CNTN5: variants seen among roughly 807,000 people sequenced by gnomAD.
The protein encoded by CNTN5 is contactin-5.
Under a neutral mutation model 129.1 loss-of-function variants are expected in CNTN5, and 77 were observed. The ratio of observed to expected loss-of-function variants is 0.60; its 90% CI spans 0.50 to 0.72. The LOEUF (loss-of-function observed/expected upper bound fraction) is 0.72, where lower values mean the gene tolerates loss of function less well. Among genes scored for constraint, CNTN5 ranks in the 30% least tolerant of loss-of-function variants. The probability of loss-of-function intolerance (pLI) is 0.00; values close to 1 mark genes in which losing one functional copy is unlikely to be tolerated. For missense variants in CNTN5, 1,478 were observed against 1,328.8 expected (o/e 1.11, Z -1.75); for synonymous variants, 509 against 465.6 (o/e 1.09, Z -1.20).
At chr11:100,185,426 A>T (rs866439035) in intron 13 of CNTN5, among the ~76,000 whole-genome samples, 3 of 152,182 alleles carry the variant, frequency 2.0e-5, no homozygotes, top group Middle Eastern at 3.4e-3. Context: ...TAAGAACTAC[A>T]TCAGTGGGCT....
At chr11:99,135,044 A>G (rs1859148366) in intron 1 of CNTN5, among the ~76,000 whole-genome samples, 1 of 152,184 alleles carries the variant, frequency 6.6e-6, no homozygotes, top group Admixed American at 6.6e-5. Context: ...GTAGAACACT[A>G]TAATATAAGC....
intron 3 of CNTN5, among the ~76,000 whole-genome samples, chr11:99,607,758 A>T (rs11220622): frequency 0.19 from 23,069 of 123,494 alleles, 3,340 homozygotes; most frequent in Non-Finnish European, 0.23. Flanking sequence ...ACCATGGAAT[A>T]CTATGCAGCC....
chr11:100,345,645 TGAAA>T (rs1446561106), intron 23 of CNTN5, among the ~76,000 whole-genome samples: 2 of 151,334 alleles, frequency 1.3e-5, no homozygotes, highest in East Asian at 3.9e-4. Context: ...AAGAATATCA[TGAAA>T]GATAGATGGA....
chr11:99,758,592 AT>A (rs1350808794), intron 3 of CNTN5, among the ~76,000 whole-genome samples: 1 of 152,042 alleles, frequency 6.6e-6, no homozygotes, highest in East Asian at 1.9e-4. Flanking sequence ...AATGTGATAA[AT>A]TTAATTATAA....
At chr11:99,805,753 A>T (rs1433265525) in intron 3 of CNTN5, among the ~76,000 whole-genome samples, 2 of 152,212 alleles carry the variant, frequency 1.3e-5, no homozygotes, top group Admixed American at 6.5e-5. Flanking sequence ...TGCAATTATT[A>T]TACAAGTGTC....
Position 99,793,740 on chromosome 11 carries a change from T to C in CNTN5, c.56-25804T>C, listed in dbSNP as rs149355195. On this transcript the variant is annotated intron_variant, in intron 3 of 24. Transcript: ENST00000524871. ...TGTAATTTGATTGTTTGCATGATTC[T>C]CTTAGTATTGATTTCTATTTTTATT... Among the ~76,000 whole-genome samples, 441 of 152,340 alleles carry C rather than the reference T, an allele frequency of 2.9e-3. 5 individuals carry two copies. Among genetic ancestry groups the C allele is most frequent in the African/African-American group, 0.01 (423 of 41,574 alleles).
chr11:99,835,004 C>T (rs1947257997), intron 4 of CNTN5, among the ~76,000 whole-genome samples: 1 of 152,080 alleles, frequency 6.6e-6, no homozygotes, highest in African/African-American at 2.4e-5. Context: ...GTCTACCTTC[C>T]ATGTTTCAGT....
intron 6 of CNTN5, among the ~76,000 whole-genome samples, chr11:99,863,269 G>A (rs1565616997): frequency 6.6e-6 from 1 of 152,092 alleles, no homozygotes; most frequent in Admixed American, 6.6e-5. Context: ...GAAGGACAAA[G>A]TCAATGAGAG....
chr11:99,756,912 GGT>G (rs1944422005), intron 3 of CNTN5, among the ~76,000 whole-genome samples: 1 of 126,616 alleles, frequency 7.9e-6, no homozygotes, highest in South Asian at 3.5e-4. Flanking sequence ...AACAATAGAG[GGT>G]TTTTTTTTTT....
At chr11:99,119,367 C>T (rs1050031179) in intron 1 of CNTN5, among the ~76,000 whole-genome samples, 6 of 152,146 alleles carry the variant, frequency 3.9e-5, no homozygotes, top group Non-Finnish European at 8.8e-5. Flanking sequence ...TTGGCTCCCA[C>T]TTATAAAATG....
At chr11:99,224,291 G>C (rs1394949316) in intron 1 of CNTN5, among the ~76,000 whole-genome samples, 1 of 152,086 alleles carries the variant, frequency 6.6e-6, no homozygotes, top group Non-Finnish European at 1.5e-5. Flanking sequence ...CAAATGACAA[G>C]TGCATGCAAT....
At chr11:99,863,596 C>G (rs1302203494) in intron 6 of CNTN5, among the ~76,000 whole-genome samples, 1 of 151,842 alleles carries the variant, frequency 6.6e-6, no homozygotes, top group Non-Finnish European at 1.5e-5. Flanking sequence ...AACAATTCAG[C>G]CTATTGTAAT....
intron 1 of CNTN5, among the ~76,000 whole-genome samples, chr11:99,279,023 TA>T (rs1296643290): frequency 4.0e-5 from 6 of 151,756 alleles, no homozygotes; most frequent in African/African-American, 1.4e-4. Flanking sequence ...TGACATATTA[TA>T]ATGAAGAATC....
At chr11:99,477,105 T>C (rs1945399866) in intron 2 of CNTN5, among the ~76,000 whole-genome samples, 1 of 151,950 alleles carries the variant, frequency 6.6e-6, no homozygotes, top group Admixed American at 6.6e-5. Context: ...ATTGAATTTA[T>C]TTAATTTGAA....
At position 99,938,394 on chromosome 11, in the gene CNTN5, A is replaced by T. The variant is rs951100373; in HGVS notation, c.674-18412A>T. ...AATATCTGACACATAGTAAGTTCTTATTATATACATAGGTACTAAAACGGT... is the reference window on the plus strand; with the variant it reads ...AATATCTGACACATAGTAAGTTCTTTTTATATACATAGGTACTAAAACGGT... On this transcript the variant is annotated intron_variant, in intron 7 of 24. Transcript: ENST00000524871. Among the ~76,000 whole-genome samples, 9 of 152,202 alleles carry T rather than the reference A, an allele frequency of 5.9e-5. 1 individual carries two copies. The highest frequency in any genetic ancestry group is 2.2e-4 in the African/African-American group (9 of 41,462).
intron 3 of CNTN5, among the ~76,000 whole-genome samples, chr11:99,777,208 T>A (rs2135368789): frequency 1.3e-5 from 2 of 152,020 alleles, no homozygotes; most frequent in South Asian, 4.1e-4. Flanking sequence ...AAGTAGTGTT[T>A]ACAGTAAGAC....
At chr11:100,172,646 A>G (rs772603542) in intron 13 of CNTN5, among the ~76,000 whole-genome samples, 2 of 152,082 alleles carry the variant, frequency 1.3e-5, no homozygotes, top group Non-Finnish European at 2.9e-5. Context: ...AAAGTCTTAC[A>G]GAAGTGAAGG....
At chr11:99,206,649 C>A (rs1859501079) in intron 1 of CNTN5, among the ~76,000 whole-genome samples, 1 of 151,976 alleles carries the variant, frequency 6.6e-6, no homozygotes, top group Admixed American at 6.6e-5. Flanking sequence ...CTAAGTATAC[C>A]TTCTGTTGCA....
chr11:100,140,791 G>GTGAT (rs1476424758), intron 13 of CNTN5, among the ~76,000 whole-genome samples: 1 of 152,166 alleles, frequency 6.6e-6, no homozygotes, highest in Non-Finnish European at 1.5e-5. Context: ...AGGAATGAAA[G>GTGAT]TGATTAGGAA....
Sources: allele counts gnomAD v4.1 joint callset (sites outside exome capture counted in the v4.1 genomes callset), GRCh38; gene constraint gnomAD v4.1.1; transcripts MANE v1.5; gene names NCBI Gene and HGNC (gene_info 2026-07-23, HGNC 2026-07-21).